MEGF11: variants seen among roughly 807,000 people sequenced by gnomAD.
MEGF11 encodes multiple epidermal growth factor-like domains protein 11.
Under a neutral mutation model 146.6 loss-of-function variants are expected in MEGF11, and 126 were observed. The observed-to-expected ratio is 0.86, with a 90% CI of 0.74 to 1.00. The LOEUF (loss-of-function observed/expected upper bound fraction) is 1.00. Ranked by LOEUF, MEGF11 falls within the 50% of genes least tolerant of loss-of-function variation. The pLI, the probability that MEGF11 is intolerant of heterozygous loss-of-function variation, is 0.00. For missense variants in MEGF11, 1,509 were observed against 1,521.2 expected (o/e 0.99, Z 0.13); for synonymous variants, 532 against 583.4 (o/e 0.91, Z 1.27).
intron 10 of MEGF11, among the ~76,000 whole-genome samples, chr15:65,948,090 C>T (rs1039734921): frequency 5.3e-5 from 8 of 152,078 alleles, no homozygotes; most frequent in Non-Finnish European, 1.2e-4. Flanking sequence ...ATGACTTAAC[C>T]CCCTGGTGAC....
chr15:66,082,514 T>TATATATATATAA, intron 5 of MEGF11, among the ~76,000 whole-genome samples: 1 of 115,026 alleles, frequency 8.7e-6, no homozygotes, highest in South Asian at 3.1e-4. Context: ...TCTATCTATC[T>TATATATATATAA]ATAAATAAAT....
chr15:66,236,770 A>G (rs2092101793), intron 1 of MEGF11, among the ~76,000 whole-genome samples: 2 of 152,088 alleles, frequency 1.3e-5, no homozygotes, highest in African/African-American at 4.8e-5. Flanking sequence ...CCTGCTCAGC[A>G]TCCAGCTCCT....
intron 5 of MEGF11, among the ~76,000 whole-genome samples, chr15:66,070,687 C>G (rs898164521): frequency 2.6e-5 from 4 of 152,326 alleles, no homozygotes; most frequent in Non-Finnish European, 5.9e-5. Context: ...TCTCCCTCCC[C>G]ACCCCGCAGC....
intron 4 of MEGF11, among the ~76,000 whole-genome samples, chr15:66,112,874 T>C (rs1382566591): frequency 6.6e-6 from 1 of 152,182 alleles, no homozygotes; most frequent in African/African-American, 2.4e-5. Flanking sequence ...ATAGGAGCAT[T>C]GGTAACTCAT....
chr15:66,175,791 C>T (rs2090374707), intron 1 of MEGF11, among the ~76,000 whole-genome samples: 1 of 152,054 alleles, frequency 6.6e-6, no homozygotes, highest in African/African-American at 2.4e-5. Flanking sequence ...ACTTCAAAAG[C>T]ACAGACAACA....
At chr15:66,023,969 G>A (rs750072099) in intron 5 of MEGF11, among the ~76,000 whole-genome samples, 2 of 152,204 alleles carry the variant, frequency 1.3e-5, no homozygotes, top group Non-Finnish European at 2.9e-5. Flanking sequence ...GATGGGGACA[G>A]CTAGGGCTGG....
At chr15:66,061,214 T>G (rs2140412161) in intron 5 of MEGF11, among the ~76,000 whole-genome samples, 1 of 152,316 alleles carries the variant, frequency 6.6e-6, no homozygotes, top group African/African-American at 2.4e-5. Context: ...CCGACTCTGA[T>G]CAGAGGACCA....
chr15:66,153,649 C>T (rs1204522679), intron 1 of MEGF11, among the ~76,000 whole-genome samples: 1 of 152,200 alleles, frequency 6.6e-6, no homozygotes, highest in African/African-American at 2.4e-5. Flanking sequence ...GCACTTCCTG[C>T]TCCCTTTGGC....
intron 5 of MEGF11, among the ~76,000 whole-genome samples, chr15:66,058,720 C>T (rs369881090): frequency 5.3e-5 from 8 of 152,258 alleles, no homozygotes; most frequent in South Asian, 2.1e-4. Context: ...CCTCCCTCTT[C>T]GGGGTGGCCC....
intron 5 of MEGF11, among the ~76,000 whole-genome samples, chr15:66,054,199 C>G (rs1203212487): frequency 6.6e-6 from 1 of 152,186 alleles, no homozygotes. Context: ...TGCCTGGTTG[C>G]GTTGATGCAG....
At chr15:66,177,981 T>G (rs8033072) in intron 1 of MEGF11, among the ~76,000 whole-genome samples, 78,010 of 151,426 alleles carry the variant, frequency 0.52, 20,686 homozygotes, top group African/African-American at 0.65. Context: ...CACCATGCCC[T>G]GCCCTTCTTT....
chr15:66,048,348 C>A (rs1396296682), intron 5 of MEGF11, among the ~76,000 whole-genome samples: 1 of 152,238 alleles, frequency 6.6e-6, no homozygotes, highest in African/African-American at 2.4e-5. Context: ...CCACCCAATC[C>A]TGCACTATGT....
intron 5 of MEGF11, among the ~76,000 whole-genome samples, chr15:66,060,098 G>A (rs1444401395): frequency 6.6e-6 from 1 of 151,866 alleles, no homozygotes. Flanking sequence ...GATGAAGGAT[G>A]GGGCAACAAA....
intron 5 of MEGF11, among the ~76,000 whole-genome samples, chr15:66,085,347 C>T (rs1282988893): frequency 2.0e-5 from 3 of 152,140 alleles, no homozygotes; most frequent in Non-Finnish European, 4.4e-5. Flanking sequence ...TGGAAAGCGC[C>T]ACCTCCTGGC....
chr15:66,051,706 A>C (rs1191772147), intron 5 of MEGF11, among the ~76,000 whole-genome samples: 1 of 152,118 alleles, frequency 6.6e-6, no homozygotes, highest in African/African-American at 2.4e-5. Flanking sequence ...GGCTCTGTGT[A>C]GCTTCTGCTC....
chr15:66,057,849 A>C (rs189695664), intron 5 of MEGF11, among the ~76,000 whole-genome samples: 1 of 152,340 alleles, frequency 6.6e-6, no homozygotes, highest in Admixed American at 6.5e-5. Flanking sequence ...ACCTGAACGA[A>C]AACCCCCTTT....
chr15:65,910,012 C>T, intron 21 of MEGF11: 2 of 685,340 alleles, frequency 2.9e-6, no homozygotes, highest in Non-Finnish European at 5.3e-6. Flanking sequence ...CATACCCCAC[C>T]CCAGCTGTTG....
In MEGF11 at chr15:66,122,081, G is replaced by A. The variant is rs186754600; in HGVS notation, c.200+1818C>T. Among the ~76,000 whole-genome samples the A allele has an allele frequency of 2.2e-3, 328 of 152,154 alleles. 1 individual carries two copies. Among genetic ancestry groups the A allele is most frequent in the Non-Finnish European group, 2.9e-3 (196 of 68,012 alleles). On this transcript the variant is annotated intron_variant, in intron 3 of 25. Transcript: ENST00000395614. ...AGTTCGAGACCAGCCTGGCCAATAT[G>A]GCGAAACCCCATCTCTACTAAAAAT... is the stretch of plus-strand genomic sequence containing the variant.
At chr15:66,191,023 G>C (rs1432337761) in intron 1 of MEGF11, among the ~76,000 whole-genome samples, 2 of 152,222 alleles carry the variant, frequency 1.3e-5, no homozygotes, top group African/African-American at 2.4e-5. Context: ...GAAACTGCTG[G>C]AGGTGAGGAC....
Sources: allele counts gnomAD v4.1 joint callset (sites outside exome capture counted in the v4.1 genomes callset), GRCh38; gene constraint gnomAD v4.1.1; transcripts MANE v1.5; gene names NCBI Gene and HGNC (gene_info 2026-07-23, HGNC 2026-07-21).